Variants in RRM2 observed in about 807,000 individuals in gnomAD.
The protein encoded by RRM2 is ribonucleotide reductase regulatory subunit M2, also known as ribonucleoside-diphosphate reductase subunit M2.
RRM2 carries 6 observed loss-of-function variants against 45.9 expected under a neutral mutation model. The observed-to-expected ratio is 0.13, with a 90% confidence interval of 0.07 to 0.26. RRM2 has a LOEUF of 0.26. RRM2 is among the 10% of genes least tolerant of loss of function. RRM2 has a pLI of 1.00. For synonymous variants in RRM2, 177 were observed against 173.0 expected (o/e 1.02, Z -0.18); for missense variants, 343 against 489.5 (o/e 0.70, Z 2.82).
downstream of RRM2, among the ~76,000 whole-genome samples, chr2:10,132,399 A>C (rs1439448176): frequency 6.6e-6 from 1 of 152,030 alleles, no homozygotes; most frequent in Middle Eastern, 3.4e-3. Context: ...TGATTGGGAG[A>C]GGTCTCATGG....
chr2:10,209,645 C>T (rs1055874644), intron 3 of RRM2, among the ~76,000 whole-genome samples: 15 of 151,382 alleles, frequency 9.9e-5, no homozygotes, highest in Admixed American at 5.9e-4. Flanking sequence ...GTGTTGGGAT[C>T]GGCTTCCAAA....
intron 3 of RRM2, chr2:10,142,482 C>G: frequency 8.7e-7 from 1 of 1,144,462 alleles, no homozygotes; most frequent in South Asian, 1.3e-5. Context: ...AGGGCCCCCA[C>G]GCACCCCTGC....
chr2:10,143,252 C>T (rs1005709408), intron 3 of RRM2, among the ~76,000 whole-genome samples: 1 of 152,162 alleles, frequency 6.6e-6, no homozygotes, highest in Non-Finnish European at 1.5e-5. Flanking sequence ...GACTTTGTCC[C>T]CACCCACCCG....
chr2:10,207,712 T>C (rs1296135419), intron 3 of RRM2, among the ~76,000 whole-genome samples: 1 of 152,202 alleles, frequency 6.6e-6, no homozygotes, highest in Non-Finnish European at 1.5e-5. Context: ...GAAGCCTGCC[T>C]TGACCTCCCT....
Position 10,142,079 on chromosome 2 carries a change from TA to T in RRM2, n.361+126del, listed in dbSNP as rs879600997. 3 of 1,595,306 alleles carry T rather than the reference TA, an allele frequency of 1.9e-6. No homozygotes were observed. In the Admixed American group the frequency reaches 5.1e-5, roughly 27 times the overall value. On this transcript the variant is annotated intron_variant and non_coding_transcript_variant, in intron 2 of 3. Coordinates refer to the RRM2 transcript ENST00000381786. ...AGGATGTGGGGATCGACCACGTGGT[TA>T]GGGGAGGAAAGCATGTTTCAGGCGG...
chr2:10,152,856 G>A (rs1663342071), intron 3 of RRM2, among the ~76,000 whole-genome samples: 2 of 152,074 alleles, frequency 1.3e-5, no homozygotes, highest in South Asian at 2.1e-4. Context: ...TGGGGGTGTC[G>A]ATTGGTACAG....
chr2:10,178,867 A>G (rs1481434609), intron 3 of RRM2, among the ~76,000 whole-genome samples: 1 of 152,126 alleles, frequency 6.6e-6, no homozygotes, highest in African/African-American at 2.4e-5. Context: ...AGGTGAAGGG[A>G]GTGCCACTGC....
intron 7 of RRM2, 122 bp from the exon 8 acceptor site, chr2:10,128,726 G>A: frequency 1.4e-6 from 1 of 704,874 alleles, no homozygotes; most frequent in Non-Finnish European, 2.5e-6. Context: ...GAGAGTTCAA[G>A]TGCTCTCAGT....
intron 3 of RRM2, among the ~76,000 whole-genome samples, chr2:10,170,867 T>C (rs1465963949): frequency 6.6e-6 from 1 of 152,138 alleles, no homozygotes; most frequent in Non-Finnish European, 1.5e-5. Flanking sequence ...AGGAATCAGA[T>C]GCCAGAAAGA....
rs1403953902 is a variant in RRM2 at position 10,204,002 on chromosome 2, G to C, written n.483-6309G>C. The stretch of plus-strand genomic sequence containing the variant: ...GCTAGCTGGATCCCCAGAGCTGCTT[G>C]GTCCCTGTTCTAGGTGAGGCCATTC... On this transcript the variant is annotated intron_variant and non_coding_transcript_variant, in intron 3 of 3. Transcript: ENST00000381786. This position sits in a 1 kb window ranked among gnomAD's most constrained non-coding sequence, Gnocchi z 4.0. Among the ~76,000 whole-genome samples the C allele has an allele frequency of 6.6e-6, 1 of 152,020 alleles. No homozygotes were observed. The highest frequency in any genetic ancestry group is 1.5e-5 in the Non-Finnish European group (1 of 68,002).
rs888204632 is a variant in RRM2 at position 10,169,793 on chromosome 2, G to A, written n.482+27418G>A. On this transcript the variant is annotated intron_variant and non_coding_transcript_variant, in intron 3 of 3. Coordinates refer to the RRM2 transcript ENST00000381786. This position sits in a 1 kb window ranked among gnomAD's most constrained non-coding sequence, Gnocchi z 5.1. ...AGCAGGAGCAGGAGGCTGAGGCCAGGGGGGATGGCAGCCCCCGGGGATCTG... is the reference window on the plus strand; with the variant it reads ...AGCAGGAGCAGGAGGCTGAGGCCAGAGGGGATGGCAGCCCCCGGGGATCTG... 6.6e-6 allele frequency among the ~76,000 whole-genome samples: 1 copy of A among 152,216 alleles called. No homozygotes were observed. Among genetic ancestry groups the A allele is most frequent in the East Asian group, 1.9e-4 (1 of 5,200 alleles).
chr2:10,164,033 TGTGA>T (rs1300704577), intron 3 of RRM2, among the ~76,000 whole-genome samples: 2 of 151,764 alleles, frequency 1.3e-5, no homozygotes, highest in African/African-American at 2.4e-5. Context: ...TGTGCATGAG[TGTGA>T]GTGTGAATAT....
chr2:10,181,580 A>C (rs1227568156), intron 3 of RRM2, among the ~76,000 whole-genome samples: 1 of 152,074 alleles, frequency 6.6e-6, no homozygotes, highest in Non-Finnish European at 1.5e-5. Flanking sequence ...GGCTCAGGCA[A>C]GCATTTCAGG....
At chr2:10,159,357 T>C (rs1663506106) in intron 3 of RRM2, among the ~76,000 whole-genome samples, 1 of 152,236 alleles carries the variant, frequency 6.6e-6, no homozygotes, top group Non-Finnish European at 1.5e-5. Flanking sequence ...GGAATGTCGC[T>C]GAGTCTTTGG....
chr2:10,123,325 G>A, intron 2 of RRM2, 62 bp from the exon 3 acceptor site: 5 of 1,533,174 alleles, frequency 3.3e-6, no homozygotes, highest in Non-Finnish European at 4.4e-6. Context: ...ACTTGGTCCA[G>A]AAAAACGTTA....
rs1558406601 is a variant in RRM2 at position 10,200,455 on chromosome 2, AGGGACCGCGCGCG to A, written n.483-9855_483-9843del. On this transcript the variant is annotated intron_variant and non_coding_transcript_variant, in intron 3 of 3. Coordinates refer to the RRM2 transcript ENST00000381786. Reference sequence around the variant, plus strand: ...CGCGCGCGCAAAATATGAGGCCCACAGGGACCGCGCGCGCAAAATATGAGGCCCACAGGCACCG... The same window carrying A: ...CGCGCGCGCAAAATATGAGGCCCACACAAAATATGAGGCCCACAGGCACCG... 1.5e-3 allele frequency among the ~76,000 whole-genome samples: 179 copies of A among 116,684 alleles called. 4 individuals are homozygous for A. Among genetic ancestry groups the A allele is most frequent in the Non-Finnish European group, 1.2e-3 (69 of 55,854 alleles). The allele number at this position is 116,684 out of a possible 152,430, so 76.5% of individuals were successfully genotyped here.
At chr2:10,138,083 C>G (rs1183188855), upstream of RRM2, among the ~76,000 whole-genome samples, 3 of 152,156 alleles carry the variant, frequency 2.0e-5, no homozygotes, top group African/African-American at 4.8e-5. Context: ...TCACTGCAAC[C>G]TCTGCCTCCC....
chr2:10,168,658 G>C (rs762755857), intron 3 of RRM2, among the ~76,000 whole-genome samples: 3 of 151,466 alleles, frequency 2.0e-5, no homozygotes, highest in African/African-American at 7.3e-5. Flanking sequence ...AAGATGTGCC[G>C]GCTCTGGCCT....
intron 3 of RRM2, chr2:10,210,174 C>T: frequency 2.3e-6 from 1 of 435,546 alleles, no homozygotes; most frequent in East Asian, 6.5e-5. Context: ...CTCATGGACT[C>T]CCACCTCCTT....
Sources: gnomAD v4.1 joint callset for allele counts (sites outside exome capture counted in the v4.1 genomes callset) on GRCh38, gnomAD v4.1.1 for gene constraint, Gnocchi (gnomAD v3.1) non-coding constraint, MANE v1.5 for transcripts, NCBI Gene and HGNC (gene_info 2026-07-23, HGNC 2026-07-21) for gene names.